The following BRD10 variants were observed in gnomAD, a reference collection of about 807,000 sequenced individuals.
BRD10 encodes the protein bromodomain containing 10.
the BRD10 span, chr9:5,929,143 CGAT>C: frequency 1.3e-6 from 2 of 1,569,628 alleles, no homozygotes; most frequent in African/African-American, 2.7e-5. Context: ...AGCTTGCCTC[CGAT>C]GATACCATTT....
At chr9:5,968,613 C>G in the BRD10 span, 1 of 1,613,846 alleles carries the variant, frequency 6.2e-7, no homozygotes, top group Non-Finnish European at 8.5e-7. Flanking sequence ...AAATTATTTT[C>G]CTGCTCTTTC....
At chr9:5,898,460 G>C in the BRD10 span, among the ~76,000 whole-genome samples, 3 of 152,142 alleles carry the variant, frequency 2.0e-5, no homozygotes, top group African/African-American at 4.8e-5. Context: ...CCTCTTAAAA[G>C]TCCTACCTCT....
the BRD10 span, among the ~76,000 whole-genome samples, chr9:5,996,626 C>T: frequency 1.3e-5 from 2 of 152,070 alleles, no homozygotes; most frequent in African/African-American, 4.8e-5. Flanking sequence ...CTACCATGCC[C>T]GAGCCATGTA....
At chr9:5,993,046 T>C in the BRD10 span, among the ~76,000 whole-genome samples, 58 of 152,286 alleles carry the variant, frequency 3.8e-4, no homozygotes, top group African/African-American at 1.4e-3. Context: ...CCAGGCGCAG[T>C]GGCTCATGCC....
chr9:5,987,789 G>T, the BRD10 span, among the ~76,000 whole-genome samples: 1 of 152,104 alleles, frequency 6.6e-6, no homozygotes, highest in Non-Finnish European at 1.5e-5. Flanking sequence ...AAACATCAGT[G>T]TCACTTACCT....
the BRD10 span, among the ~76,000 whole-genome samples, chr9:5,912,097 T>C: frequency 1.3e-5 from 2 of 152,168 alleles, no homozygotes; most frequent in African/African-American, 4.8e-5. Context: ...TGTAGAGATC[T>C]TTCACTTCTT....
chr9:5,904,283 T>C, the BRD10 span, among the ~76,000 whole-genome samples: 7 of 152,368 alleles, frequency 4.6e-5, no homozygotes, highest in African/African-American at 1.7e-4. Flanking sequence ...AATTGGTGCA[T>C]TTAGACCATT....
chr9:5,892,258 G>C, the BRD10 span, among the ~76,000 whole-genome samples: 11 of 152,176 alleles, frequency 7.2e-5, no homozygotes, highest in Non-Finnish European at 1.6e-4. Flanking sequence ...GGAGGGGTTA[G>C]AAACCTGAGC....
chr9:5,928,000 A>G, the BRD10 span, among the ~76,000 whole-genome samples: 2 of 152,222 alleles, frequency 1.3e-5, no homozygotes, highest in African/African-American at 2.4e-5. Context: ...ATGTCTAAAG[A>G]GCATATCAAA....
chr9:5,881,260 G>A, the BRD10 span, among the ~76,000 whole-genome samples: 6 of 152,094 alleles, frequency 3.9e-5, no homozygotes, highest in Non-Finnish European at 7.4e-5. Flanking sequence ...ACAGTTAAAG[G>A]CCTTCCTTAT....
chr9:6,001,059 A>C, the BRD10 span, among the ~76,000 whole-genome samples: 1 of 152,154 alleles, frequency 6.6e-6, no homozygotes, highest in Admixed American at 6.5e-5. Context: ...CCTAAGCATC[A>C]CCACCAGCTG....
chr9:5,952,698 C>T, the BRD10 span, among the ~76,000 whole-genome samples: 1 of 152,054 alleles, frequency 6.6e-6, no homozygotes, highest in Non-Finnish European at 1.5e-5. Flanking sequence ...TAACAATGGG[C>T]CAGATTTGCT....
At chr9:5,932,081 T>C in the BRD10 span, among the ~76,000 whole-genome samples, 1 of 152,180 alleles carries the variant, frequency 6.6e-6, no homozygotes, top group East Asian at 1.9e-4. Context: ...ATGAAATTAA[T>C]GTAAAGAGAA....
At chr9:5,901,668 G>T in the BRD10 span, among the ~76,000 whole-genome samples, 9 of 152,156 alleles carry the variant, frequency 5.9e-5, no homozygotes, top group African/African-American at 2.2e-4. Context: ...ACAGGTGTAA[G>T]CCACCACGCC....
the BRD10 span, chr9:6,008,074 C>G: frequency 1.0e-6 from 1 of 983,570 alleles, no homozygotes; most frequent in Non-Finnish European, 1.2e-6. Flanking sequence ...CCTCGCCGGC[C>G]TCACCCCTCC....
At chr9:5,981,014 T>G in the BRD10 span, among the ~76,000 whole-genome samples, 4 of 152,184 alleles carry the variant, frequency 2.6e-5, no homozygotes, top group Admixed American at 6.5e-5. Context: ...CTATCTAAAT[T>G]TATAAAATCT....
the BRD10 span, among the ~76,000 whole-genome samples, chr9:5,937,025 T>C: frequency 6.8e-6 from 1 of 147,754 alleles, no homozygotes. Flanking sequence ...AGGTCAGGAG[T>C]TCGACACCAG....
chr9:5,901,581 C>G, the BRD10 span, among the ~76,000 whole-genome samples: 2 of 151,958 alleles, frequency 1.3e-5, no homozygotes, highest in Non-Finnish European at 1.5e-5. Flanking sequence ...TGCAGTGGCT[C>G]AATCTCAGCT....
At chr9:5,906,963 A>T in the BRD10 span, 1 of 1,600,114 alleles carries the variant, frequency 6.2e-7, no homozygotes, top group South Asian at 1.1e-5. Context: ...TCGGGACAGC[A>T]AAGTGTCTCT....
Sources: allele counts gnomAD v4.1 joint callset (sites outside exome capture counted in the v4.1 genomes callset), GRCh38; gene constraint gnomAD v4.1.1; transcripts MANE v1.5; gene names NCBI Gene and HGNC (gene_info 2026-07-23, HGNC 2026-07-21).